The following DNAJC5 variants were observed in gnomAD, a reference collection of about 807,000 sequenced individuals.
DNAJC5 encodes the protein DnaJ heat shock protein family (Hsp40) member C5.
A neutral mutation model predicts 23.2 loss-of-function variants in DNAJC5; 1 was observed. That is an observed-to-expected ratio of 0.04 (90% CI 0.02 to 0.20). The LOEUF (loss-of-function observed/expected upper bound fraction) is 0.20. Ranked by LOEUF, DNAJC5 falls within the 10% of genes least tolerant of loss-of-function variation. The probability of loss-of-function intolerance (pLI) is 1.00; values close to 1 mark genes in which losing one functional copy is unlikely to be tolerated. For synonymous variants in DNAJC5, 136 were observed against 120.0 expected (o/e 1.13, Z -0.87); for missense variants, 180 against 267.0 (o/e 0.67, Z 2.27).
At position 63,930,967 on chromosome 20, in the gene DNAJC5, G is replaced by A. The variant is rs746222594; in HGVS notation, c.438G>A (p.Thr146=). 3 of 1,614,170 alleles carry A rather than the reference G, an allele frequency of 1.9e-6. No homozygotes were observed. Among genetic ancestry groups the A allele is most frequent in the South Asian group, 2.2e-5 (2 of 91,090 alleles). ...CCAAGGCGCCTGAAGGCGAGGAGACGGAGTTCTACGTGTCCCCCGAGGATC... is the reference window on the plus strand; with the variant it reads ...CCAAGGCGCCTGAAGGCGAGGAGACAGAGTTCTACGTGTCCCCCGAGGATC... ...CKPKAPEGEE[T]EFYVSPEDLE... Residue 146 remains threonine (T), a synonymous_variant, in exon 4 of 5, where the codon ACG becomes ACA. Transcript: ENST00000360864.
intron 1 of DNAJC5, among the ~76,000 whole-genome samples, chr20:63,927,288 A>T (rs2146302345): frequency 6.6e-6 from 1 of 152,338 alleles, no homozygotes. Flanking sequence ...AGGCTGAGGC[A>T]GGCGGATCAC....
At chr20:63,909,660 G>A (rs2053470049) in intron 1 of DNAJC5, among the ~76,000 whole-genome samples, 1 of 152,206 alleles carries the variant, frequency 6.6e-6, no homozygotes, top group South Asian at 2.1e-4. Flanking sequence ...CAGCCTGGGC[G>A]ACAGAGCAAG....
At chr20:63,912,132 A>G (rs1352821674) in intron 1 of DNAJC5, among the ~76,000 whole-genome samples, 2 of 152,036 alleles carry the variant, frequency 1.3e-5, no homozygotes, top group African/African-American at 4.8e-5. Flanking sequence ...GCAAAACCTC[A>G]TCTCTGCTAA....
chr20:63,927,881 T>A (rs2053629422), intron 1 of DNAJC5, among the ~76,000 whole-genome samples: 1 of 152,240 alleles, frequency 6.6e-6, no homozygotes, highest in African/African-American at 2.4e-5. Flanking sequence ...CCTCTTTGCA[T>A]TTTTTATGCA....
chr20:63,925,213 C>T (rs141410598), intron 1 of DNAJC5, among the ~76,000 whole-genome samples: 161 of 152,210 alleles, frequency 1.1e-3, no homozygotes, highest in African/African-American at 3.6e-3. Flanking sequence ...AGGCCGGGCA[C>T]GGTGGCTCAC....
Position 63,931,106 on chromosome 20 carries a change from C to A in DNAJC5, c.493+84C>A. On this transcript the variant is annotated intron_variant, in intron 4 of 4. Transcript: ENST00000360864. The surrounding 1 kb of genome is among the most constrained non-coding windows in gnomAD (Gnocchi z 9.6). ...AATGGTGTCAACCTGTCTTGTCAAA[C>A]AGGAGGGCACTGACACTGTGCCGCG... 1 of 1,415,052 alleles carries A rather than the reference C, an allele frequency of 7.1e-7. No homozygotes were observed. Among genetic ancestry groups the A allele is most frequent in the Non-Finnish European group, 9.8e-7 (1 of 1,016,090 alleles). 87.7% of individuals were successfully genotyped at this position (1,415,052 alleles called of 1,614,324 possible).
In DNAJC5 at chr20:63,934,038, G is replaced by A. The variant is rs2146313141; in HGVS notation, c.*2470G>A. 1 of 152,430 alleles carries A rather than the reference G, an allele frequency of 6.6e-6. No homozygotes were observed. The highest frequency in any genetic ancestry group is 2.4e-5 in the African/African-American group (1 of 41,564). The allele number at this position is 152,430 out of a possible 1,614,324, so 9.4% of individuals were successfully genotyped here. A position where few individuals can be genotyped will look rare whatever the true frequency, so the allele number is the denominator to read the frequency against. ...GTAAAACCTAATAAATCATGGTTGT[G>A]GCCATTCTCACGGTGGTGATTGTGA... is the stretch of plus-strand genomic sequence containing the variant. On this transcript the variant is annotated 3_prime_UTR_variant, in exon 5 of 5. Coordinates refer to ENST00000360864, the MANE Select transcript of DNAJC5 (RefSeq NM_025219.3).
intron 1 of DNAJC5, among the ~76,000 whole-genome samples, chr20:63,917,105 G>T (rs2053520099): frequency 6.6e-6 from 1 of 152,196 alleles, no homozygotes; most frequent in Non-Finnish European, 1.5e-5. Context: ...AGTAAGACAG[G>T]CTTAAGAAAT....
rs886056945 is a variant in DNAJC5 at position 63,933,463 on chromosome 20, C to T, written c.*1895C>T. 1 of 152,330 alleles carries T rather than the reference C, an allele frequency of 6.6e-6. No individual in the cohort carries two copies. Among genetic ancestry groups the T allele is most frequent in the African/African-American group, 2.4e-5 (1 of 41,432 alleles). The allele number at this position is 152,330 out of a possible 1,614,324, so 9.4% of individuals were successfully genotyped here. On this transcript the variant is annotated 3_prime_UTR_variant, in exon 5 of 5. Transcript: ENST00000360864. ...TGTCCCACTTTTCTTTGTTTCTTCTCACTAAAATGATCACGAAGACCTTTG... is the reference window on the plus strand; with the variant it reads ...TGTCCCACTTTTCTTTGTTTCTTCTTACTAAAATGATCACGAAGACCTTTG...
At chr20:63,903,006 ACT>A (rs1238110714) in intron 1 of DNAJC5, among the ~76,000 whole-genome samples, 3 of 150,756 alleles carry the variant, frequency 2.0e-5, no homozygotes, top group African/African-American at 7.3e-5. Context: ...ACAGGGTGTC[ACT>A]CTGTCTCTCA....
chr20:63,897,804 C>G (rs1330106564), intron 1 of DNAJC5, among the ~76,000 whole-genome samples: 2 of 152,192 alleles, frequency 1.3e-5, no homozygotes, highest in East Asian at 3.8e-4. Context: ...GGTGCTGTGA[C>G]AGAGCCACAG....
chr20:63,914,618 T>C (rs2053504312), intron 1 of DNAJC5, among the ~76,000 whole-genome samples: 1 of 135,806 alleles, frequency 7.4e-6, no homozygotes. Context: ...TGCCCGGCCT[T>C]TTTTTTTTTT....
rs377119075 is a variant in DNAJC5, at chr20:63,931,536, C to T, written c.565C>T (p.His189Tyr). ...GACCACCCAGCTCACAGCCGACTCC[C>T]ACCCCAGCTACCACACTGACGGGTT... Reference protein sequence around the residue: ...TETTQLTADSHPSYHTDGFN With the variant: ...TETTQLTADSYPSYHTDGFN Residue 189 changes from histidine (H) to tyrosine (Y), a missense_variant, in exon 5 of 5, where the codon CAC becomes TAC. His to Tyr is a moderately conservative substitution (Grantham distance 83, BLOSUM62 2). Transcript: ENST00000360864. The surrounding 1 kb of genome is among the most constrained non-coding windows in gnomAD (Gnocchi z 9.6). 1.8e-5 allele frequency: 28 copies of T among 1,582,934 alleles called. No homozygotes were observed. The highest frequency in any genetic ancestry group is 1.7e-4 in the Middle Eastern group (1 of 6,050).
intron 1 of DNAJC5, among the ~76,000 whole-genome samples, chr20:63,896,104 T>A (rs941754024): frequency 2.0e-5 from 3 of 152,236 alleles, no homozygotes; most frequent in Non-Finnish European, 4.4e-5. Context: ...GATTTGATGG[T>A]GGTTAGACAC....
At chr20:63,903,552 G>A (rs1161286719) in intron 1 of DNAJC5, among the ~76,000 whole-genome samples, 1 of 151,900 alleles carries the variant, frequency 6.6e-6, no homozygotes, top group African/African-American at 2.4e-5. Flanking sequence ...CATGGTCTGC[G>A]CACCTTGGCC....
intron 1 of DNAJC5, among the ~76,000 whole-genome samples, chr20:63,909,765 G>A (rs770614492): frequency 1.3e-5 from 2 of 152,242 alleles, no homozygotes; most frequent in African/African-American, 2.4e-5. Flanking sequence ...CTTTTCTTCC[G>A]TGATAGGAAG....
At chr20:63,919,177 T>C (rs1387127569) in intron 1 of DNAJC5, among the ~76,000 whole-genome samples, 1 of 152,200 alleles carries the variant, frequency 6.6e-6, no homozygotes, top group Non-Finnish European at 1.5e-5. Context: ...ATGGACCTGC[T>C]AGACTGCAAG....
intron 1 of DNAJC5, among the ~76,000 whole-genome samples, chr20:63,914,708 C>T (rs1258049613): frequency 4.6e-5 from 7 of 151,626 alleles, no homozygotes; most frequent in Admixed American, 6.6e-5. Context: ...CTCCACCTCC[C>T]TAGTTCAAAC....
intron 1 of DNAJC5, among the ~76,000 whole-genome samples, chr20:63,909,871 G>A (rs2053471724): frequency 1.3e-5 from 2 of 152,344 alleles, no homozygotes; most frequent in Middle Eastern, 3.4e-3. Context: ...CCAGAATCCT[G>A]CGGATTTAGT....
Sources: allele counts gnomAD v4.1 joint callset (sites outside exome capture counted in the v4.1 genomes callset), GRCh38; gene constraint gnomAD v4.1.1; non-coding constraint Gnocchi (gnomAD v3.1); transcripts MANE v1.5; gene names NCBI Gene and HGNC (gene_info 2026-07-23, HGNC 2026-07-21).